The following GLIS3 variants were observed in gnomAD, a reference collection of about 807,000 sequenced individuals.
GLIS3 encodes zinc finger protein GLIS3.
In GLIS3, 53 loss-of-function variants were observed where a neutral mutation model predicts 78.6. That is an observed-to-expected ratio of 0.67 (90% CI 0.54 to 0.85). The LOEUF is 0.85. Ranked by LOEUF, GLIS3 falls within the 40% of genes least tolerant of loss-of-function variation. The pLI, the probability that GLIS3 is intolerant of heterozygous loss-of-function variation, is 0.00. For missense variants in GLIS3, 1,703 were observed against 1,231.1 expected, an observed-to-expected ratio of 1.38 and a Z score of -5.74; for synonymous variants, 684 against 509.9, an observed-to-expected ratio of 1.34 and a Z score of -4.60.
the GLIS3 span, among the ~76,000 whole-genome samples, chr9:4,475,902 T>A: frequency 6.6e-6 from 1 of 152,078 alleles, no homozygotes; most frequent in Non-Finnish European, 1.5e-5. Flanking sequence ...TGTGCCAGTT[T>A]CTTGTTTGTC....
intron 2 of GLIS3, among the ~76,000 whole-genome samples, chr9:4,246,147 C>G (rs185698377): frequency 6.6e-6 from 1 of 152,202 alleles, no homozygotes; most frequent in Admixed American, 6.5e-5. Context: ...GAGGCTGAGG[C>G]AAGTAGTTCA....
At chr9:3,963,021 G>A (rs181046167) in intron 4 of GLIS3, among the ~76,000 whole-genome samples, 15 of 151,696 alleles carry the variant, frequency 9.9e-5, no homozygotes, top group Admixed American at 5.9e-4. Flanking sequence ...ATCAATAACT[G>A]GAATTTGACA....
intron 2 of GLIS3, among the ~76,000 whole-genome samples, chr9:4,214,817 A>C (rs1450609175): frequency 6.6e-6 from 1 of 152,226 alleles, no homozygotes; most frequent in African/African-American, 2.4e-5. Flanking sequence ...GTTAGAATAC[A>C]AAATGCATTT....
At chr9:4,368,135 A>C in the GLIS3 span, among the ~76,000 whole-genome samples, 2 of 152,294 alleles carry the variant, frequency 1.3e-5, no homozygotes, top group South Asian at 2.1e-4. Context: ...AATAATCCTA[A>C]AATCACTTAT....
At chr9:4,110,778 G>A (rs768527211) in intron 4 of GLIS3, among the ~76,000 whole-genome samples, 5 of 152,000 alleles carry the variant, frequency 3.3e-5, no homozygotes, top group Admixed American at 2.0e-4. Context: ...AATTACAGTA[G>A]AAACTAATAA....
Position 4,125,814 on chromosome 9 carries a change from A to G in GLIS3, c.516T>C (p.Ser172=). 6.2e-7 allele frequency: 1 copy of G among 1,614,124 alleles called. No homozygotes were observed. Among genetic ancestry groups the G allele is most frequent in the East Asian group, 2.2e-5 (1 of 44,888 alleles). Residue 172 remains serine, a synonymous_variant, in exon 3 of 11, where the codon TCT becomes TCC. Transcript: ENST00000381971. ...GLISPPASQV[S]TACNQISPSL... is the part of the protein sequence containing the mutation. ...TAGGACTGATCTGGTTGCATGCTGT[A>G]GAGACCTGGCTTGCTGGAGGTGAAA...
At chr9:4,166,215 T>C (rs4741900) in intron 2 of GLIS3, among the ~76,000 whole-genome samples, 81,474 of 152,050 alleles carry the variant, frequency 0.54, 22,524 homozygotes, top group East Asian at 0.85. Flanking sequence ...CTGTTAGCTA[T>C]AATCAATACG....
chr9:4,010,086 C>T (rs578216146), intron 4 of GLIS3, among the ~76,000 whole-genome samples: 6 of 152,242 alleles, frequency 3.9e-5, no homozygotes, highest in Admixed American at 2.6e-4. Flanking sequence ...TAGCACCCTC[C>T]GAGTTGTGGC....
the GLIS3 span, among the ~76,000 whole-genome samples, chr9:4,407,045 A>G: frequency 1.3e-5 from 2 of 152,356 alleles, no homozygotes; most frequent in African/African-American, 4.8e-5. Flanking sequence ...TTCAAATTAT[A>G]CTACAGAGCT....
the GLIS3 span, among the ~76,000 whole-genome samples, chr9:4,413,729 G>A: frequency 6.6e-6 from 1 of 152,062 alleles, no homozygotes; most frequent in African/African-American, 2.4e-5. Flanking sequence ...TGAGACCCAT[G>A]TTCCCTAAGT....
At chr9:3,955,121 C>G (rs1011993249) in intron 4 of GLIS3, among the ~76,000 whole-genome samples, 2 of 152,146 alleles carry the variant, frequency 1.3e-5, no homozygotes, top group African/African-American at 4.8e-5. Flanking sequence ...CAAATGAAGA[C>G]GACCTGGGGA....
chr9:4,068,134 T>G (rs1827262642), intron 4 of GLIS3, among the ~76,000 whole-genome samples: 1 of 152,162 alleles, frequency 6.6e-6, no homozygotes, highest in Admixed American at 6.5e-5. Flanking sequence ...AAGCATGAAT[T>G]TAAATGTTCT....
upstream of GLIS3, among the ~76,000 whole-genome samples, chr9:4,351,473 T>C (rs895330064): frequency 1.3e-5 from 2 of 151,640 alleles, no homozygotes; most frequent in East Asian, 3.9e-4. Flanking sequence ...TTGAGTTCAT[T>C]ACAAAAGTTT....
intron 1 of GLIS3, among the ~76,000 whole-genome samples, chr9:4,289,971 A>AAT (rs1220096161): frequency 3.9e-5 from 6 of 152,256 alleles, no homozygotes; most frequent in African/African-American, 1.4e-4. Flanking sequence ...CTTTAATCAA[A>AAT]ATATAAAATC....
At chr9:4,340,966 C>T (rs937472888) in intron 2 of GLIS3, among the ~76,000 whole-genome samples, 1 of 152,182 alleles carries the variant, frequency 6.6e-6, no homozygotes, top group African/African-American at 2.4e-5. Flanking sequence ...TGTGAGCCAC[C>T]GTGCCTGGCC....
At chr9:4,386,034 G>C in the GLIS3 span, among the ~76,000 whole-genome samples, 1 of 152,262 alleles carries the variant, frequency 6.6e-6, no homozygotes, top group East Asian at 1.9e-4. Flanking sequence ...CATCACTCAT[G>C]GCCAACCAGT....
At chr9:4,309,993 A>G (rs1817321581) in intron 3 of GLIS3, among the ~76,000 whole-genome samples, 1 of 152,256 alleles carries the variant, frequency 6.6e-6, no homozygotes, top group African/African-American at 2.4e-5. Flanking sequence ...TCACTGTCTG[A>G]ACGCAAACAG....
At chr9:4,382,970 T>A in the GLIS3 span, among the ~76,000 whole-genome samples, 5 of 152,196 alleles carry the variant, frequency 3.3e-5, no homozygotes, top group Non-Finnish European at 7.3e-5. Flanking sequence ...GATTCACCGA[T>A]TCTGTGCTTG....
At chr9:4,022,681 G>A (rs1230606027) in intron 4 of GLIS3, among the ~76,000 whole-genome samples, 1 of 152,106 alleles carries the variant, frequency 6.6e-6, no homozygotes. Flanking sequence ...GTCCCACAGG[G>A]AAGTGGATAA....
Sources: gnomAD v4.1 joint callset for allele counts (sites outside exome capture counted in the v4.1 genomes callset) on GRCh38, gnomAD v4.1.1 for gene constraint, MANE v1.5 for transcripts, NCBI Gene and HGNC (gene_info 2026-07-23, HGNC 2026-07-21) for gene names.